The following SLTM variants were observed in gnomAD, a reference collection of about 807,000 sequenced individuals.
SLTM encodes the protein SAFB like transcription modulator, also known as SAFB-like transcription modulator.
A neutral mutation model predicts 134.6 loss-of-function variants in SLTM; 43 were observed. The observed-to-expected ratio is 0.32, with a 90% confidence interval of 0.25 to 0.41. The LOEUF is 0.41. Ranked by LOEUF, SLTM falls within the 10% of genes least tolerant of loss-of-function variation. SLTM has a pLI of 1.00. For synonymous variants in SLTM, 424 were observed against 432.3 expected, an observed-to-expected ratio of 0.98 and a Z score of 0.24; for missense variants, 1,055 against 1,288.8, an observed-to-expected ratio of 0.82 and a Z score of 2.78.
chr15:58,915,156 A>G (rs2036540215), intron 3 of SLTM, among the ~76,000 whole-genome samples: 2 of 152,204 alleles, frequency 1.3e-5, no homozygotes, highest in Admixed American at 6.5e-5. Context: ...GCACCACTGC[A>G]CTCCAGCCTG....
chr15:58,892,191 TA>T (rs1401718869), intron 14 of SLTM, among the ~76,000 whole-genome samples: 1 of 152,188 alleles, frequency 6.6e-6, no homozygotes, highest in African/African-American at 2.4e-5. Flanking sequence ...TAATATACTA[TA>T]AAACACACCC....
chr15:58,901,469 G>A (rs1341455000), intron 5 of SLTM, among the ~76,000 whole-genome samples, 182 bp from the exon 6 acceptor site: 1 of 152,116 alleles, frequency 6.6e-6, no homozygotes, highest in Non-Finnish European at 1.5e-5. Context: ...AGAGATATGT[G>A]GCACAAGTTT....
intron 8 of SLTM, 106 bp downstream of exon 8, chr15:58,898,697 A>C: frequency 1.3e-6 from 1 of 780,566 alleles, no homozygotes; most frequent in East Asian, 2.6e-5. Flanking sequence ...GTCTGTCAAT[A>C]AAATTTTTAA....
chr15:58,932,330 A>T, intron 2 of SLTM, 26 bp downstream of exon 2: 1 of 1,563,600 alleles, frequency 6.4e-7, no homozygotes, highest in South Asian at 1.1e-5. Context: ...AATATATTTT[A>T]AAACATGTTC....
At chr15:58,923,942 G>A (rs759175082) in intron 2 of SLTM, among the ~76,000 whole-genome samples, 3 of 150,968 alleles carry the variant, frequency 2.0e-5, no homozygotes, top group Non-Finnish European at 4.4e-5. Flanking sequence ...AGCCTCCTGA[G>A]TAGCTGGGAT....
At chr15:58,911,402 A>G (rs2141112593) in intron 5 of SLTM, among the ~76,000 whole-genome samples, 1 of 152,258 alleles carries the variant, frequency 6.6e-6, no homozygotes, top group East Asian at 1.9e-4. Context: ...AAACAAAGGA[A>G]CCCATATCTC....
At chr15:58,933,379 C>A in intron 1 of SLTM, 25 bp downstream of exon 1, 1 of 1,567,636 alleles carries the variant, frequency 6.4e-7, no homozygotes, top group Non-Finnish European at 8.7e-7. Context: ...CTTCCCGGTC[C>A]TTTCCGGTCC....
rs149073809 is a variant in SLTM, at chr15:58,889,452, G to A, written c.2182C>T (p.Arg728Cys). 4.3e-6 allele frequency: 7 copies of A among 1,613,874 alleles called. No homozygotes were observed. The highest frequency in any genetic ancestry group is 1.7e-5 in the Admixed American group (1 of 60,002). The change falls in exon 16 of 21, where the codon CGC (arginine) becomes TGC (cysteine). Residue 728 changes from arginine (R) to cysteine (C), a missense_variant. By Grantham distance (180) the Arg-to-Cys change is radical. Around this residue, in one of 3 missense-constraint regions of SLTM, gnomAD observed 776 missense variants for 962.2 expected, o/e 0.81. Transcript: ENST00000380516. The part of the protein sequence containing the change: ...YEQEKRNSLK[R>C]PRDVDHRRDD... ...TACCTATGATCTACATCACGTGGGC[G>A]TTTCAAGGAATTCCTTTTTTCTTGT...
At position 58,889,567 on chromosome 15, in the gene SLTM, C is replaced by T. The variant is rs1171520417; in HGVS notation, c.2080-13G>A. 3 of 1,613,334 alleles carry T rather than the reference C, an allele frequency of 1.9e-6. No individual in the cohort carries two copies. Among genetic ancestry groups the T allele is most frequent in the African/African-American group, 2.7e-5 (2 of 74,844 alleles). ...CCTTACGACGTTCCTTCAGACAACA[C>T]AGAATGAAGAACCAACCAAGGCAAA... On this transcript the variant is annotated splice_polypyrimidine_tract_variant and intron_variant, in intron 15 of 20. Coordinates refer to ENST00000380516, the MANE Select transcript of SLTM (RefSeq NM_024755.4).
intron 14 of SLTM, among the ~76,000 whole-genome samples, chr15:58,892,064 T>G (rs2034681052): frequency 6.6e-6 from 1 of 152,228 alleles, no homozygotes; most frequent in Non-Finnish European, 1.5e-5. Context: ...TGTCAATTAT[T>G]GTACAGAATA....
In SLTM at chr15:58,879,276, G is replaced by A. The variant is rs1417656562; in HGVS notation, c.*723C>T. On this transcript the variant is annotated 3_prime_UTR_variant, in exon 21 of 21. Transcript: ENST00000380516. The stretch of plus-strand genomic sequence containing the variant: ...AAAAGTGCACTTACCTGCACAACTC[G>A]GTCTAAGAACCTTGTGAAACAAACC... The A allele has an allele frequency of 1.3e-5, 2 of 151,996 alleles. No homozygotes were observed. The highest frequency in any genetic ancestry group is 2.9e-5 in the Non-Finnish European group (2 of 68,010). 9.4% of individuals were successfully genotyped at this position (151,996 alleles called of 1,614,324 possible).
At chr15:58,907,139 A>G (rs2035918351) in intron 5 of SLTM, among the ~76,000 whole-genome samples, 1 of 152,358 alleles carries the variant, frequency 6.6e-6, no homozygotes, top group East Asian at 1.9e-4. Flanking sequence ...AAAGAGAGAG[A>G]TGAAAGAAAG....
chr15:58,907,820 T>C (rs930351777), intron 5 of SLTM, among the ~76,000 whole-genome samples: 54 of 152,108 alleles, frequency 3.6e-4, no homozygotes, highest in Admixed American at 1.9e-3. Context: ...TTTGTAGACA[T>C]AGAAATTGAC....
intron 5 of SLTM, among the ~76,000 whole-genome samples, chr15:58,904,149 G>A (rs1446362038): frequency 1.3e-5 from 2 of 151,866 alleles, no homozygotes; most frequent in Non-Finnish European, 2.9e-5. Context: ...AACCACAGGT[G>A]TATGCCACCA....
intron 2 of SLTM, among the ~76,000 whole-genome samples, chr15:58,925,066 A>C (rs2141218283): frequency 7.9e-6 from 1 of 126,530 alleles, no homozygotes. Context: ...GAGCTACGAT[A>C]AAATGTTAAA....
At chr15:58,928,111 G>A (rs2037612004) in intron 2 of SLTM, among the ~76,000 whole-genome samples, 1 of 152,146 alleles carries the variant, frequency 6.6e-6, no homozygotes, top group Admixed American at 6.6e-5. Flanking sequence ...GCCAGGTATT[G>A]CAAATTAGTT....
In SLTM at chr15:58,932,414, A is replaced by C; in HGVS notation, c.192T>G (p.Asp64Glu). The C allele has an allele frequency of 6.2e-7, 1 of 1,613,408 alleles. No homozygotes were observed. The highest frequency in any genetic ancestry group is 8.5e-7 in the Non-Finnish European group (1 of 1,179,372). ...CAGTTGAAACAGTTAATTCAATATT[A>C]TCTGGATCGCCTCCTTCCTCTTCAA... Reference protein sequence around the residue: ...QAIEEEGGDPDNIELTVSTDT... With the variant: ...QAIEEEGGDPENIELTVSTDT... The change falls in exon 2 of 21, where the codon GAT becomes GAG. Residue 64 changes from aspartate (D) to glutamate (E), a missense_variant. Asp to Glu is a conservative substitution (Grantham distance 45). Transcript: ENST00000380516.
chr15:58,913,645 G>A lies in SLTM; in HGVS notation c.367C>T (p.Leu123=), dbSNP rs759713695. ...EAHEQDGNDE[L]KDSEEFGENE... ...TCACCAAATTCTTCAGAGTCCTTTA[G>A]TTCATCATTTCCATCTTGCTCATGT... The change falls in exon 4 of 21, where the codon CTA becomes TTA. Residue 123 remains leucine, a synonymous_variant. Coordinates refer to ENST00000380516, the MANE Select transcript of SLTM (RefSeq NM_024755.4). 1 of 1,613,450 alleles carries A rather than the reference G, an allele frequency of 6.2e-7. No individual in the cohort carries two copies. The highest frequency in any genetic ancestry group is 1.1e-5 in the South Asian group (1 of 91,074).
intron 5 of SLTM, among the ~76,000 whole-genome samples, chr15:58,906,590 G>C (rs112701637): frequency 6.1e-4 from 93 of 152,314 alleles, no homozygotes; most frequent in African/African-American, 2.2e-3. Context: ...TACATGTATA[G>C]GCTAAGCAAG....
Sources: allele counts gnomAD v4.1 joint callset (sites outside exome capture counted in the v4.1 genomes callset), GRCh38; gene constraint gnomAD v4.1.1; regional missense constraint gnomAD v4.1.1; transcripts MANE v1.5; gene names NCBI Gene and HGNC (gene_info 2026-07-23, HGNC 2026-07-21).